Variants in SLC6A12 observed in about 807,000 individuals in gnomAD.
The protein encoded by SLC6A12 is sodium- and chloride-dependent betaine transporter.
In SLC6A12, 50 loss-of-function variants were observed where a neutral mutation model predicts 73.3. The ratio of observed to expected loss-of-function variants is 0.68; its 90% CI spans 0.54 to 0.86. SLC6A12 has a LOEUF of 0.86. Ranked by LOEUF, SLC6A12 falls within the 40% of genes least tolerant of loss-of-function variation. The probability of loss-of-function intolerance (pLI) is 0.00; values close to 1 mark genes in which losing one functional copy is unlikely to be tolerated. For synonymous variants in SLC6A12, 304 were observed against 309.2 expected (o/e 0.98, Z 0.18); for missense variants, 648 against 772.8 (o/e 0.84, Z 1.92).
At chr12:200,317 C>T (rs915008207) in intron 7 of SLC6A12, among the ~76,000 whole-genome samples, 16 of 151,764 alleles carry the variant, frequency 1.1e-4, no homozygotes, top group African/African-American at 2.7e-4. Flanking sequence ...ACCGTGTTAG[C>T]CAGGATGGTC....
chr12:202,660 C>T, intron 5 of SLC6A12, 80 bp downstream of exon 5: 1 of 1,451,226 alleles, frequency 6.9e-7, no homozygotes, highest in Non-Finnish European at 9.5e-7. Context: ...CACTTATACT[C>T]CCCGTCGTTG....
chr12:197,155 AT>A (rs1939933787), intron 10 of SLC6A12, among the ~76,000 whole-genome samples: 1 of 138,272 alleles, frequency 7.2e-6, no homozygotes, highest in Non-Finnish European at 1.6e-5. Flanking sequence ...CCATCCATCC[AT>A]CCATCCATCC....
rs1442579238 is a variant in SLC6A12 at position 200,756 on chromosome 12, G to A, written c.606C>T (p.Gly202=). 1.9e-6 allele frequency: 3 copies of A among 1,613,864 alleles called. No individual in the cohort carries two copies. The highest frequency in any genetic ancestry group is 4.5e-5 in the East Asian group (2 of 44,870). The part of the protein sequence containing the change: ...WERRVLGITS[G]IHDLGSLRWE... ...AGCGCAGGGAGCCCAGGTCATGGAT[G>A]CCCGAGGTGATGCCCAGAACTCGTC... The change falls in exon 7 of 16, where the codon GGC becomes GGT. Residue 202 remains glycine, a synonymous_variant. Transcript: ENST00000684302.
At chr12:192,882 C>T (rs866694049) in intron 14 of SLC6A12, among the ~76,000 whole-genome samples, 10 of 143,572 alleles carry the variant, frequency 7.0e-5, no homozygotes, top group African/African-American at 2.6e-4. Context: ...ACATCACAGA[C>T]GGAGACAGGA....
intron 7 of SLC6A12, among the ~76,000 whole-genome samples, chr12:199,225 T>C (rs917881733): frequency 3.9e-5 from 6 of 152,256 alleles, no homozygotes; most frequent in Non-Finnish European, 5.9e-5. Context: ...ACCATTTTTT[T>C]CCTCTTATTT....
At position 191,001 on chromosome 12, in the gene SLC6A12, G is replaced by A. The variant is rs1939570643; in HGVS notation, c.*67C>T. 5 of 1,218,448 alleles carry A rather than the reference G, an allele frequency of 4.1e-6. No homozygotes were observed. Among genetic ancestry groups the A allele is most frequent in the South Asian group, 4.1e-5 (1 of 24,684 alleles). 75.5% of individuals were successfully genotyped at this position (1,218,448 alleles called of 1,614,324 possible). A position where few individuals can be genotyped will look rare whatever the true frequency, so the allele number is the denominator to read the frequency against. Reference sequence around the variant, plus strand: ...CAGGAGACAGAGGCAGAGGCTGTCCGCTGAGAATGGAGGGTGGCCCTGACC... The same window carrying A: ...CAGGAGACAGAGGCAGAGGCTGTCCACTGAGAATGGAGGGTGGCCCTGACC... On this transcript the variant is annotated 3_prime_UTR_variant, in exon 16 of 16. Coordinates refer to ENST00000684302, the MANE Select transcript of SLC6A12 (RefSeq NM_001122848.3).
In SLC6A12 at chr12:195,246, C is replaced by T. The variant is rs747000926; in HGVS notation, c.1408G>A (p.Val470Ile). Reference sequence around the variant, plus strand: ...TCACCATACACCCAGCTTATGCAGACCACTTCAAACAATGACAGGAACAGC... The same window carrying T: ...TCACCATACACCCAGCTTATGCAGATCACTTCAAACAATGACAGGAACAGC... ...CLLFLSLFEV[V>I]CISWVYGADR... Residue 470 changes from valine to isoleucine, a missense_variant, in exon 13 of 16, where the codon GTC becomes ATC. By Grantham distance (29) the Val-to-Ile change is conservative. Coordinates refer to ENST00000684302, the MANE Select transcript of SLC6A12 (RefSeq NM_001122848.3). The T allele has an allele frequency of 3.1e-6, 5 of 1,609,796 alleles. No individual in the cohort carries two copies. The African/African-American group carries it at 6.7e-5, about 22-fold the overall frequency.
chr12:186,735 A>T (rs1018055934), downstream of SLC6A12, among the ~76,000 whole-genome samples: 4 of 152,248 alleles, frequency 2.6e-5, no homozygotes, highest in African/African-American at 9.6e-5. Context: ...TGATGTTAAC[A>T]CATCTATTGA....
At chr12:201,903 T>G in intron 5 of SLC6A12, 54 bp from the exon 6 acceptor site, 1 of 1,498,844 alleles carries the variant, frequency 6.7e-7, no homozygotes, top group African/African-American at 1.4e-5. Flanking sequence ...TATACCCTAG[T>G]CCCCCTGGCC....
chr12:193,043 C>T (rs1939685996), intron 14 of SLC6A12: 5 of 535,466 alleles, frequency 9.3e-6, no homozygotes, highest in Non-Finnish European at 1.7e-5. Flanking sequence ...GCAGGAGGCA[C>T]TGTGAGGAAG....
rs754008030 is a variant in SLC6A12 at position 192,619 on chromosome 12, G to A, written c.1560C>T (p.Tyr520=). The A allele has an allele frequency of 5.0e-6, 8 of 1,614,006 alleles. No individual in the cohort carries two copies. In the East Asian group the frequency reaches 8.9e-5, roughly 18 times the overall value. The part of the protein sequence containing the change: ...LATFLFSLSK[Y]TPLKYNNVYV... ...AGACGTTGTTGTACTTGAGGGGGGT[G>A]TACTTGCTCAAGGAGAAGAGGAAAG... Residue 520 remains tyrosine (Y), a synonymous_variant, in exon 15 of 16, where the codon TAC becomes TAT. Coordinates refer to ENST00000684302, the MANE Select transcript of SLC6A12 (RefSeq NM_001122848.3).
rs1343001816 is a variant in SLC6A12, at chr12:197,579, G to A, written c.951-78C>T. The A allele has an allele frequency of 2.7e-6, 4 of 1,464,042 alleles. No individual in the cohort carries two copies. In the Admixed American group the frequency reaches 6.9e-5, roughly 25 times the overall value. 90.7% of individuals were successfully genotyped at this position (1,464,042 alleles called of 1,614,324 possible). ...GAGAGAGATCAGTCATGGGAGGAGAGGTCAAAAGACAGTGAGAGGGGACCA... is the reference window on the plus strand; with the variant it reads ...GAGAGAGATCAGTCATGGGAGGAGAAGTCAAAAGACAGTGAGAGGGGACCA... On this transcript the variant is annotated intron_variant, in intron 9 of 15. Coordinates refer to ENST00000684302, the MANE Select transcript of SLC6A12 (RefSeq NM_001122848.3).
At position 190,203 on chromosome 12, in the gene SLC6A12, G is replaced by C. The variant is rs1939533320; in HGVS notation, c.*865C>G. The C allele has an allele frequency of 6.6e-6, 1 of 152,216 alleles. No individual in the cohort carries two copies. The highest frequency in any genetic ancestry group is 1.5e-5 in the Non-Finnish European group (1 of 68,046). 9.4% of individuals were successfully genotyped at this position (152,216 alleles called of 1,614,324 possible). Reference sequence around the variant, plus strand: ...GCCCCCAAGAAGGGGGTCCCCATGTGAACTTGAAAAAGTCCCTTTGTCTCT... The same window carrying C: ...GCCCCCAAGAAGGGGGTCCCCATGTCAACTTGAAAAAGTCCCTTTGTCTCT... On this transcript the variant is annotated 3_prime_UTR_variant, in exon 16 of 16. Coordinates refer to ENST00000684302, the MANE Select transcript of SLC6A12 (RefSeq NM_001122848.3).
At chr12:204,415 C>T in intron 4 of SLC6A12, 149 bp downstream of exon 4, 3 of 789,098 alleles carry the variant, frequency 3.8e-6, no homozygotes, top group Non-Finnish European at 6.2e-6. Context: ...CTCTCTCCGG[C>T]CCACCCATGA....
chr12:195,435 G>A, intron 12 of SLC6A12, 108 bp from the exon 13 acceptor site: 1 of 728,134 alleles, frequency 1.4e-6, no homozygotes, highest in East Asian at 2.6e-5. Context: ...TGCCCGGCCT[G>A]TGGGATGCCA....
downstream of SLC6A12, among the ~76,000 whole-genome samples, chr12:185,419 G>A (rs1017999423): frequency 2.0e-5 from 3 of 152,236 alleles, no homozygotes; most frequent in African/African-American, 7.2e-5. Context: ...CCCACTTCGA[G>A]TCCCTCATGC....
chr12:208,202 A>G (rs573598593), intron 3 of SLC6A12, among the ~76,000 whole-genome samples: 2 of 152,274 alleles, frequency 1.3e-5, no homozygotes, highest in African/African-American at 4.8e-5. Context: ...ATATGCCATG[A>G]GATGGTGGCC....
chr12:212,589 C>T lies in SLC6A12; in HGVS notation c.-142-479G>A, dbSNP rs538678328. Among the ~76,000 whole-genome samples, 22 of 151,984 alleles carry T rather than the reference C, an allele frequency of 1.4e-4. 1 individual carries two copies. The highest frequency in any genetic ancestry group is 4.2e-4 in the South Asian group (2 of 4,818). ...TGTGGTTCAGAATGAAAATCCAGAA[C>T]GGCAGAATGAAAGCAAGAGCAAGTG... On this transcript the variant is annotated intron_variant, in intron 1 of 15. Transcript: ENST00000684302.
In SLC6A12 at chr12:209,771, A is replaced by G. The variant is rs1249340012; in HGVS notation, c.214+2T>C. On this transcript the variant is annotated splice_donor_variant, in intron 3 of 15. Transcript: ENST00000684302. LOFTEE classifies it high-confidence loss of function. ...ACCATGCCTACCTCAAAGTGAACTCACCACCTCCGTTTTTGTAGCAGAGAT... is the reference window on the plus strand; with the variant it reads ...ACCATGCCTACCTCAAAGTGAACTCGCCACCTCCGTTTTTGTAGCAGAGAT... The G allele has an allele frequency of 5.6e-6, 9 of 1,613,970 alleles. No individual in the cohort carries two copies. Among genetic ancestry groups the G allele is most frequent in the Non-Finnish European group, 7.6e-6 (9 of 1,180,006 alleles).
Sources: gnomAD v4.1 joint callset for allele counts (sites outside exome capture counted in the v4.1 genomes callset) on GRCh38, gnomAD v4.1.1 for gene constraint, MANE v1.5 for transcripts, NCBI Gene and HGNC (gene_info 2026-07-23, HGNC 2026-07-21) for gene names.